The following NRXN3 variants were observed in gnomAD, a reference collection of about 807,000 sequenced individuals.
The protein encoded by NRXN3 is neurexin 3, also known as neurexin III.
In NRXN3, 32 loss-of-function variants were observed where a neutral mutation model predicts 137.6. The ratio of observed to expected loss-of-function variants is 0.23; its 90% CI spans 0.18 to 0.31. The LOEUF (loss-of-function observed/expected upper bound fraction) is 0.31. Ranked by LOEUF, NRXN3 falls within the 10% of genes least tolerant of loss-of-function variation. The pLI, the probability that NRXN3 is intolerant of heterozygous loss-of-function variation, is 1.00. For synonymous variants in NRXN3, 798 were observed against 784.5 expected, an observed-to-expected ratio of 1.02 and a Z score of -0.29; for missense variants, 1,574 against 2,062.5, an observed-to-expected ratio of 0.76 and a Z score of 4.59.
chr14:78,550,826 C>T (rs536098057), intron 4 of NRXN3, among the ~76,000 whole-genome samples: 3 of 152,242 alleles, frequency 2.0e-5, no homozygotes, highest in East Asian at 1.9e-4. Flanking sequence ...AAAATGAGGA[C>T]AGCAACACAT....
intron 4 of NRXN3, among the ~76,000 whole-genome samples, chr14:78,543,067 T>C (rs1403790846): frequency 1.4e-4 from 22 of 152,256 alleles, no homozygotes; most frequent in Admixed American, 1.4e-3. Context: ...AGGGCCACTG[T>C]AGCCTCATAG....
rs78070640 is a variant in NRXN3 at position 78,998,339 on chromosome 14, C to T, written c.3262+10198C>T. The stretch of plus-strand genomic sequence containing the variant: ...ACATGTAATGGGCTGTGCTTCAAGC[C>T]GCAAATTCTAAGGGTTTTCTGAGGC... On this transcript the variant is annotated intron_variant, in intron 15 of 20. Transcript: ENST00000335750. Among the ~76,000 whole-genome samples, 1,073 of 152,230 alleles carry T rather than the reference C, an allele frequency of 7.0e-3. 7 individuals are homozygous for T. Among genetic ancestry groups the T allele is most frequent in the African/African-American group, 0.024 (1,014 of 41,532 alleles).
intron 15 of NRXN3, among the ~76,000 whole-genome samples, chr14:79,064,916 A>G (rs1300887405): frequency 1.3e-5 from 2 of 150,996 alleles, no homozygotes; most frequent in African/African-American, 2.4e-5. Context: ...CTAAATTATA[A>G]AAGTAACATA....
At chr14:78,449,276 G>A (rs760714558) in intron 4 of NRXN3, among the ~76,000 whole-genome samples, 1 of 152,118 alleles carries the variant, frequency 6.6e-6, no homozygotes, top group African/African-American at 2.4e-5. Context: ...ATCGTGGCGC[G>A]ATCTTGGCTC....
intron 16 of NRXN3, among the ~76,000 whole-genome samples, chr14:79,635,536 A>G (rs1460872462): frequency 1.3e-5 from 2 of 152,192 alleles, no homozygotes; most frequent in Non-Finnish European, 2.9e-5. Context: ...CTAGAAGTCT[A>G]TAATAAAGCC....
chr14:78,716,973 G>A (rs1264450997), intron 8 of NRXN3, among the ~76,000 whole-genome samples: 2 of 152,204 alleles, frequency 1.3e-5, no homozygotes, highest in African/African-American at 4.8e-5. Context: ...CTCTTTCCAA[G>A]TATGTTTGTA....
At chr14:78,474,404 T>A (rs2095340819) in intron 4 of NRXN3, among the ~76,000 whole-genome samples, 2 of 152,130 alleles carry the variant, frequency 1.3e-5, no homozygotes, top group African/African-American at 4.8e-5. Context: ...TATTAACTGC[T>A]AAAAGGCATC....
intron 8 of NRXN3, among the ~76,000 whole-genome samples, chr14:78,752,119 T>C (rs1296845835): frequency 1.3e-5 from 2 of 152,194 alleles, no homozygotes; most frequent in African/African-American, 2.4e-5. Context: ...AAAGAGCATT[T>C]TGGGGCCAGG....
chr14:79,712,638 C>T lies in NRXN3; in HGVS notation c.4014+14701C>T, dbSNP rs920128862. On this transcript the variant is annotated intron_variant, in intron 19 of 20. Transcript: ENST00000335750. The stretch of plus-strand genomic sequence containing the variant: ...TTGTTAATGAATACCCTCGTTATCT[C>T]GTTAGCTTATTTTTCTAGCCACCCA... 2.6e-5 allele frequency among the ~76,000 whole-genome samples: 4 copies of T among 152,118 alleles called. No homozygotes were observed. In the South Asian group the frequency reaches 6.2e-4, roughly 24 times the overall value.
At chr14:78,593,829 G>T (rs1209001062) in intron 4 of NRXN3, among the ~76,000 whole-genome samples, 1 of 152,136 alleles carries the variant, frequency 6.6e-6, no homozygotes, top group Non-Finnish European at 1.5e-5. Context: ...TCTTCAAAGG[G>T]TGCTGAAATC....
chr14:79,635,397 A>G (rs1201679352), intron 16 of NRXN3, among the ~76,000 whole-genome samples: 3 of 152,222 alleles, frequency 2.0e-5, no homozygotes, highest in Non-Finnish European at 4.4e-5. Context: ...ATTTAAGCCT[A>G]TGCAATCATC....
At chr14:79,084,606 T>C (rs2047728467) in intron 15 of NRXN3, among the ~76,000 whole-genome samples, 1 of 152,194 alleles carries the variant, frequency 6.6e-6, no homozygotes, top group Admixed American at 6.6e-5. Context: ...GCCCCTCTGC[T>C]GTTTGGAAAA....
At chr14:78,865,440 T>A (rs918709198) in intron 10 of NRXN3, among the ~76,000 whole-genome samples, 2 of 152,136 alleles carry the variant, frequency 1.3e-5, no homozygotes, top group African/African-American at 4.8e-5. Context: ...TAAGGAAAAC[T>A]GATGAACAAA....
At chr14:78,627,205 A>G (rs1376081609) in intron 4 of NRXN3, among the ~76,000 whole-genome samples, 2 of 120,578 alleles carry the variant, frequency 1.7e-5, no homozygotes, top group African/African-American at 3.2e-5. Context: ...CTCTTCTTTC[A>G]CTGTTTTTAA....
At chr14:79,006,551 A>G (rs1255474725) in intron 15 of NRXN3, among the ~76,000 whole-genome samples, 1 of 151,828 alleles carries the variant, frequency 6.6e-6, no homozygotes, top group Non-Finnish European at 1.5e-5. Flanking sequence ...AGATTTGATT[A>G]TTATTCCTTT....
At chr14:79,557,206 G>C (rs2097438625) in intron 16 of NRXN3, among the ~76,000 whole-genome samples, 1 of 151,846 alleles carries the variant, frequency 6.6e-6, no homozygotes, top group Non-Finnish European at 1.5e-5. Context: ...TTGCTTGACT[G>C]TGATAGATTG....
intron 16 of NRXN3, among the ~76,000 whole-genome samples, chr14:79,470,100 G>A (rs12147236): frequency 0.076 from 11,601 of 152,238 alleles, 623 homozygotes; most frequent in Middle Eastern, 0.13. Context: ...GAGAGAAAGA[G>A]CTTTGGGGCC....
At chr14:78,395,880 A>G (rs999905299) in intron 4 of NRXN3, among the ~76,000 whole-genome samples, 1 of 151,934 alleles carries the variant, frequency 6.6e-6, no homozygotes, top group African/African-American at 2.4e-5. Context: ...GTATCACTCT[A>G]TTAGAATTGA....
intron 1 of NRXN3, among the ~76,000 whole-genome samples, chr14:78,178,197 T>C (rs573058838): frequency 3.0e-4 from 46 of 152,312 alleles, no homozygotes; most frequent in African/African-American, 1.1e-3. Context: ...AACCACTGTT[T>C]CGTACCACCT....
Sources: gnomAD v4.1 joint callset for allele counts (sites outside exome capture counted in the v4.1 genomes callset) on GRCh38, gnomAD v4.1.1 for gene constraint, MANE v1.5 for transcripts, NCBI Gene and HGNC (gene_info 2026-07-23, HGNC 2026-07-21) for gene names.